The following DUSP16 variants were observed in gnomAD, a reference collection of about 807,000 sequenced individuals.
DUSP16 encodes the protein dual specificity protein phosphatase 16.
DUSP16 carries 21 observed loss-of-function variants against 58.3 expected under a neutral mutation model. That is an observed-to-expected ratio of 0.36 (90% CI 0.26 to 0.52). The LOEUF (loss-of-function observed/expected upper bound fraction) is 0.52. Ranked by LOEUF, DUSP16 falls within the 20% of genes least tolerant of loss-of-function variation. DUSP16 has a pLI of 0.94. For missense variants in DUSP16, 726 were observed against 819.0 expected (o/e 0.89, Z 1.39); for synonymous variants, 320 against 323.8 (o/e 0.99, Z 0.12).
At chr12:12,483,090 AC>A (rs1943604898) in intron 5 of DUSP16, among the ~76,000 whole-genome samples, 1 of 152,188 alleles carries the variant, frequency 6.6e-6, no homozygotes, top group Non-Finnish European at 1.5e-5. Flanking sequence ...GATGATGAAA[AC>A]TGGAAACAAG....
At chr12:12,504,280 T>C (rs560769702) in intron 3 of DUSP16, among the ~76,000 whole-genome samples, 5 of 152,300 alleles carry the variant, frequency 3.3e-5, no homozygotes, top group East Asian at 1.9e-4. Context: ...CTCTTTTTTT[T>C]CTTAAAGACA....
At position 12,480,336 on chromosome 12, in the gene DUSP16, T is replaced by G. The variant is rs1943540516; in HGVS notation, c.702A>C (p.Lys234Asn). ...DKSVDFIEKAKASNGCVLVHC... is the reference protein window; with the variant it reads ...DKSVDFIEKANASNGCVLVHC... The stretch of plus-strand genomic sequence containing the variant: ...GCACTAGAACACATCCATTGGAGGC[T>G]TTTGCTTTCTCTGTATAAGTCAAAT... Residue 234 changes from lysine (K) to asparagine (N), a missense_variant, in exon 6 of 7, where the codon AAA (lysine) becomes AAC (asparagine). Physicochemically the swap from Lys to Asn is moderately conservative, Grantham distance 94. Coordinates refer to ENST00000298573, the MANE Select transcript of DUSP16 (RefSeq NM_030640.3). 1.2e-6 allele frequency: 2 copies of G among 1,613,620 alleles called. No individual in the cohort carries two copies. Among genetic ancestry groups the G allele is most frequent in the Non-Finnish European group, 1.7e-6 (2 of 1,179,824 alleles).
chr12:12,491,459 G>T (rs1950242334), intron 4 of DUSP16: 1 of 152,084 alleles, frequency 6.6e-6, no homozygotes, highest in African/African-American at 2.4e-5. Context: ...ACGTATCAAT[G>T]ACTTCTTACT....
chr12:12,480,093 CCA>C, intron 6 of DUSP16, 128 bp downstream of exon 6: 1 of 1,254,514 alleles, frequency 8.0e-7, no homozygotes, highest in Non-Finnish European at 1.1e-6. Context: ...ATTAAAAAAT[CCA>C]CAGTAACCTG....
rs1045008178 is a variant in DUSP16 at position 12,494,032 on chromosome 12, G to A, written c.531+6487C>T. 1.1e-4 allele frequency among the ~76,000 whole-genome samples: 17 copies of A among 152,072 alleles called. 1 individual carries two copies. The highest frequency in any genetic ancestry group is 4.1e-4 in the South Asian group (2 of 4,822). On this transcript the variant is annotated intron_variant, in intron 4 of 6. Transcript: ENST00000298573. ...GAGGCTCAATAAACATTTGTTGGGC[G>A]AATACATGAACGAACCCTTATCCCT... is the stretch of plus-strand genomic sequence containing the variant.
chr12:12,539,236 G>C (rs886192424), intron 1 of DUSP16, among the ~76,000 whole-genome samples: 2 of 152,178 alleles, frequency 1.3e-5, no homozygotes, highest in African/African-American at 4.8e-5. Flanking sequence ...TATGTTGAAA[G>C]TCTGGAATTC....
chr12:12,534,323 C>T lies in DUSP16; in HGVS notation c.-365-12860G>A, dbSNP rs946289277. ...CCTGGAAGTTAATGATATCAGGAAG[C>T]TGTATCAGGAGCAAAGTACCACAAA... On this transcript the variant is annotated intron_variant, in intron 1 of 6. Coordinates refer to ENST00000298573, the MANE Select transcript of DUSP16 (RefSeq NM_030640.3). Among the ~76,000 whole-genome samples, 2 of 152,180 alleles carry T rather than the reference C, an allele frequency of 1.3e-5. 1 individual carries two copies. Among genetic ancestry groups the T allele is most frequent in the Non-Finnish European group, 2.9e-5 (2 of 68,020 alleles).
rs1943367913 is a variant in DUSP16 at position 12,474,080 on chromosome 12, C to A, written c.*2753G>T. The A allele has an allele frequency of 6.6e-6, 1 of 152,212 alleles. No individual in the cohort carries two copies. Among genetic ancestry groups the A allele is most frequent in the South Asian group, 2.1e-4 (1 of 4,832 alleles). 9.4% of individuals were successfully genotyped at this position (152,212 alleles called of 1,614,324 possible). Reference sequence around the variant, plus strand: ...GTGAATGACAGAACACGGAATAAACCTGATGACACCACCACTTTATTTTGA... The same window carrying A: ...GTGAATGACAGAACACGGAATAAACATGATGACACCACCACTTTATTTTGA... On this transcript the variant is annotated 3_prime_UTR_variant, in exon 7 of 7. Transcript: ENST00000298573.
At chr12:12,488,731 C>G (rs1347652960) in intron 4 of DUSP16, among the ~76,000 whole-genome samples, 1 of 152,162 alleles carries the variant, frequency 6.6e-6, no homozygotes, top group Non-Finnish European at 1.5e-5. Flanking sequence ...TGCCAGTTCC[C>G]TAATCTCTTC....
chr12:12,506,087 C>CCTTT (rs1943992378), intron 3 of DUSP16: 1 of 152,202 alleles, frequency 6.6e-6, no homozygotes, highest in African/African-American at 2.4e-5. Flanking sequence ...CATTCACTGA[C>CCTTT]CTTTCATTCA....
chr12:12,492,561 C>A (rs1943776684), intron 4 of DUSP16, among the ~76,000 whole-genome samples: 1 of 152,086 alleles, frequency 6.6e-6, no homozygotes. Flanking sequence ...TTCTTCCTAC[C>A]TGCAATCAAA....
At chr12:12,536,160 A>C (rs1944459627) in intron 1 of DUSP16, among the ~76,000 whole-genome samples, 1 of 152,226 alleles carries the variant, frequency 6.6e-6, no homozygotes, top group South Asian at 2.1e-4. Flanking sequence ...CTAGAATGGT[A>C]ACTATAAAAC....
rs1327580927 is a variant in DUSP16, at chr12:12,475,547, T to C, written c.*1286A>G. ...ATCAAAACTCAATGGTCTTCTCAGC[T>C]TTCTCAACCGTTTTATTCTGAATAT... On this transcript the variant is annotated 3_prime_UTR_variant, in exon 7 of 7. Coordinates refer to ENST00000298573, the MANE Select transcript of DUSP16 (RefSeq NM_030640.3). The C allele has an allele frequency of 2.0e-5, 3 of 152,242 alleles. No homozygotes were observed. Among genetic ancestry groups the C allele is most frequent in the African/African-American group, 7.2e-5 (3 of 41,452 alleles). 9.4% of individuals were successfully genotyped at this position (152,242 alleles called of 1,614,324 possible).
At chr12:12,489,501 A>G (rs1943733110) in intron 4 of DUSP16, among the ~76,000 whole-genome samples, 1 of 152,168 alleles carries the variant, frequency 6.6e-6, no homozygotes, top group African/African-American at 2.4e-5. Context: ...CTTTCCACCA[A>G]CGGTACTACA....
chr12:12,508,447 T>A (rs1944029073), intron 3 of DUSP16, among the ~76,000 whole-genome samples: 2 of 152,228 alleles, frequency 1.3e-5, no homozygotes, highest in South Asian at 4.1e-4. Context: ...GTTTGGTAAA[T>A]TACTCCTAGG....
intron 1 of DUSP16, among the ~76,000 whole-genome samples, chr12:12,527,226 T>TA (rs1944319388): frequency 1.3e-5 from 2 of 152,034 alleles, no homozygotes; most frequent in Non-Finnish European, 2.9e-5. Context: ...GGCAACAAGA[T>TA]ATACCGAAAT....
At chr12:12,547,306 G>A (rs1283298319) in intron 1 of DUSP16, among the ~76,000 whole-genome samples, 1 of 151,888 alleles carries the variant, frequency 6.6e-6, no homozygotes, top group Non-Finnish European at 1.5e-5. Flanking sequence ...GTGCCCACCT[G>A]TAATCCCAGC....
chr12:12,549,058 T>G (rs1161032946), intron 1 of DUSP16, among the ~76,000 whole-genome samples: 1 of 152,226 alleles, frequency 6.6e-6, no homozygotes, highest in African/African-American at 2.4e-5. Context: ...CTTTCTCTAT[T>G]AAAATAAAAA....
rs74062572 is a variant in DUSP16 at position 12,494,339 on chromosome 12, G to A, written c.531+6180C>T. ...ACAAGTTGCATGGGTTACAAATTAGGATATAACTATTTATTTTGAAAAATA... is the reference window on the plus strand; with the variant it reads ...ACAAGTTGCATGGGTTACAAATTAGAATATAACTATTTATTTTGAAAAATA... On this transcript the variant is annotated intron_variant, in intron 4 of 6. Coordinates refer to ENST00000298573, the MANE Select transcript of DUSP16 (RefSeq NM_030640.3). 5.2e-3 allele frequency among the ~76,000 whole-genome samples: 785 copies of A among 152,238 alleles called. 6 individuals are homozygous for A. The highest frequency in any genetic ancestry group is 0.017 in the Middle Eastern group (5 of 294).
Sources: allele counts gnomAD v4.1 joint callset (sites outside exome capture counted in the v4.1 genomes callset), GRCh38; gene constraint gnomAD v4.1.1; transcripts MANE v1.5; gene names NCBI Gene and HGNC (gene_info 2026-07-23, HGNC 2026-07-21).